Variants in CEP85L observed in about 807,000 individuals in gnomAD.
The protein encoded by CEP85L is centrosomal protein of 85 kDa-like.
CEP85L carries 60 observed loss-of-function variants against 100.3 expected under a neutral mutation model. The observed-to-expected ratio is 0.60, with a 90% confidence interval of 0.49 to 0.74. CEP85L has a LOEUF of 0.74. Ranked by LOEUF, CEP85L falls within the 30% of genes least tolerant of loss-of-function variation. The probability of loss-of-function intolerance (pLI) is 0.00; values close to 1 mark genes in which losing one functional copy is unlikely to be tolerated. For synonymous variants in CEP85L, 319 were observed against 322.7 expected (o/e 0.99, Z 0.12); for missense variants, 973 against 936.2 (o/e 1.04, Z -0.51).
intron 2 of CEP85L, among the ~76,000 whole-genome samples, chr6:118,577,900 A>C (rs1268483254): frequency 6.6e-6 from 1 of 152,212 alleles, no homozygotes; most frequent in East Asian, 1.9e-4. Context: ...GCTGCATCAT[A>C]CCTTGTATTC....
At chr6:118,559,417 A>C in intron 3 of CEP85L, 1 of 340,242 alleles carries the variant, frequency 2.9e-6, no homozygotes. Context: ...CAACAAGTTC[A>C]CTTCATATAT....
chr6:118,540,590 A>G (rs1777852661), intron 3 of CEP85L, among the ~76,000 whole-genome samples: 1 of 151,790 alleles, frequency 6.6e-6, no homozygotes, highest in South Asian at 2.1e-4. Context: ...CTCCGTCTCT[A>G]TACTAAAAAT....
intron 1 of CEP85L, among the ~76,000 whole-genome samples, chr6:118,690,971 TG>T (rs1777020478): frequency 6.7e-6 from 1 of 148,464 alleles, no homozygotes; most frequent in Admixed American, 6.8e-5. Context: ...CATTCCCACC[TG>T]GGTGACAGAG....
At chr6:118,537,783 T>C (rs1177868452) in intron 3 of CEP85L, 5 of 985,222 alleles carry the variant, frequency 5.1e-6, no homozygotes, top group Non-Finnish European at 6.0e-6. Flanking sequence ...ATACAACCTC[T>C]GCAATTCTTC....
chr6:118,676,057 G>A (rs574930370), intron 1 of CEP85L, among the ~76,000 whole-genome samples: 18 of 152,074 alleles, frequency 1.2e-4, no homozygotes, highest in African/African-American at 1.7e-4. Flanking sequence ...TGTTATTGTC[G>A]TTATTACTAT....
Position 118,469,290 on chromosome 6 carries a change from G to A in CEP85L, c.2036C>T (p.Thr679Ile). 1 of 1,613,488 alleles carries A rather than the reference G, an allele frequency of 6.2e-7. No homozygotes were observed. The highest frequency in any genetic ancestry group is 8.5e-7 in the Non-Finnish European group (1 of 1,179,486). The change falls in exon 12 of 13, where the codon ACA becomes ATA. Residue 679 changes from threonine to isoleucine, a missense_variant. Coordinates refer to ENST00000368491, the MANE Select transcript of CEP85L (RefSeq NM_001042475.3). ...ATCCAATAAAGAGCATGTCTCATCTGTTTGTCTTTGGTTCTGCAAGGATAA... is the reference window on the plus strand; with the variant it reads ...ATCCAATAAAGAGCATGTCTCATCTATTTGTCTTTGGTTCTGCAAGGATAA... ...TKALLENQRQ[T>I]DETCSLLDQG...
chr6:118,552,861 G>A (rs1778632497), intron 3 of CEP85L, among the ~76,000 whole-genome samples: 1 of 151,968 alleles, frequency 6.6e-6, no homozygotes, highest in African/African-American at 2.4e-5. Context: ...AGAGACAGGA[G>A]TCTGGCATTT....
At chr6:118,631,165 GA>G (rs1454884969) in intron 2 of CEP85L, among the ~76,000 whole-genome samples, 6 of 152,110 alleles carry the variant, frequency 3.9e-5, no homozygotes, top group Non-Finnish European at 5.9e-5. Flanking sequence ...CATGTGTGGG[GA>G]CAAGAGATAT....
intron 3 of CEP85L, among the ~76,000 whole-genome samples, chr6:118,556,702 T>C (rs551476972): frequency 6.3e-4 from 96 of 152,290 alleles, no homozygotes; most frequent in Non-Finnish European, 8.8e-5. Flanking sequence ...ATATGTTGAT[T>C]AACAATAATA....
chr6:118,657,812 C>T (rs2884001), intron 1 of CEP85L, among the ~76,000 whole-genome samples: 149,385 of 152,338 alleles, frequency 0.98, 73,302 homozygotes, highest in East Asian at 1. Flanking sequence ...ACTGAGTTAA[C>T]TGATGTCAAT....
At chr6:118,645,542 T>C (rs1429146914) in intron 1 of CEP85L, among the ~76,000 whole-genome samples, 1 of 152,116 alleles carries the variant, frequency 6.6e-6, no homozygotes, top group Non-Finnish European at 1.5e-5. Context: ...TCAGTGCACA[T>C]GCCTGTATTC....
At chr6:118,580,603 A>G (rs1780517814) in intron 2 of CEP85L, among the ~76,000 whole-genome samples, 1 of 152,214 alleles carries the variant, frequency 6.6e-6, no homozygotes, top group Non-Finnish European at 1.5e-5. Context: ...ATTTCGAATC[A>G]GCTTCCTTTC....
chr6:118,653,351 A>C (rs561283084), upstream of CEP85L, among the ~76,000 whole-genome samples: 1 of 152,322 alleles, frequency 6.6e-6, no homozygotes, highest in African/African-American at 2.4e-5. Context: ...ACTTGGGAGG[A>C]TAGAGGGCTA....
At chr6:118,694,941 G>T (rs1777158313) in intron 1 of CEP85L, among the ~76,000 whole-genome samples, 1 of 152,102 alleles carries the variant, frequency 6.6e-6, no homozygotes, top group Admixed American at 6.5e-5. Flanking sequence ...TAAGGGATCA[G>T]AGCCAAAAGG....
rs552796643 is a variant in CEP85L at position 118,554,377 on chromosome 6, G to C, written c.1020+11152C>G. ...GCCCAAGCTGGTCTCGAACTCCTGG[G>C]CTCAAACATTCGTCCCGCCTAGGCC... is the stretch of plus-strand genomic sequence containing the variant. On this transcript the variant is annotated intron_variant, in intron 3 of 12. Transcript: ENST00000368491. Among the ~76,000 whole-genome samples the C allele has an allele frequency of 2.0e-5, 3 of 152,184 alleles. No individual in the cohort carries two copies. The South Asian group carries it at 6.2e-4, about 32-fold the overall frequency.
rs528914988 is a variant in CEP85L at position 118,461,095 on chromosome 6, G to A, written c.*4310C>T. On this transcript the variant is annotated 3_prime_UTR_variant, in exon 13 of 13. Transcript: ENST00000368491. Reference sequence around the variant, plus strand: ...TGTATTTACACATGAGGTATTCTGGGTGGTTCAAAAACTGAACCCAGCTTA... The same window carrying A: ...TGTATTTACACATGAGGTATTCTGGATGGTTCAAAAACTGAACCCAGCTTA... 15 of 151,208 alleles carry A rather than the reference G, an allele frequency of 9.9e-5. No homozygotes were observed. The East Asian group carries it at 2.9e-3, about 29-fold the overall frequency. 9.4% of individuals were successfully genotyped at this position (151,208 alleles called of 1,614,324 possible).
At chr6:118,651,855 A>G, upstream of CEP85L, 1 of 985,038 alleles carries the variant, frequency 1.0e-6, no homozygotes, top group Non-Finnish European at 1.2e-6. Flanking sequence ...ATTTTGCGAT[A>G]CTCGCCCCTC....
At chr6:118,692,015 T>C (rs748677472) in intron 1 of CEP85L, among the ~76,000 whole-genome samples, 25 of 152,084 alleles carry the variant, frequency 1.6e-4, no homozygotes, top group Non-Finnish European at 2.8e-4. Flanking sequence ...CTTGTCGTTA[T>C]TACCAGGATC....
intron 5 of CEP85L, among the ~76,000 whole-genome samples, chr6:118,510,329 T>C (rs1775895120): frequency 6.6e-6 from 1 of 151,986 alleles, no homozygotes; most frequent in Admixed American, 6.6e-5. Context: ...TCAAATTAAA[T>C]TATAGACAAA....
Sources: allele counts gnomAD v4.1 joint callset (sites outside exome capture counted in the v4.1 genomes callset), GRCh38; gene constraint gnomAD v4.1.1; transcripts MANE v1.5; gene names NCBI Gene and HGNC (gene_info 2026-07-23, HGNC 2026-07-21).